RHOBTB2: variants seen among roughly 807,000 people sequenced by gnomAD.
The protein encoded by RHOBTB2 is Rho related BTB domain containing 2.
In RHOBTB2, 39 loss-of-function variants were observed where a neutral mutation model predicts 66.5. That is an observed-to-expected ratio of 0.59 (90% CI 0.45 to 0.77). The LOEUF (loss-of-function observed/expected upper bound fraction) is 0.77, where lower values mean the gene tolerates loss of function less well. Among genes scored for constraint, RHOBTB2 ranks in the 30% least tolerant of loss-of-function variants. RHOBTB2 has a pLI of 0.00. For synonymous variants in RHOBTB2, 390 were observed against 395.0 expected (o/e 0.99, Z 0.15); for missense variants, 755 against 999.1 (o/e 0.76, Z 3.29).
At chr8:23,002,981 G>A (rs552930595) in intron 1 of RHOBTB2, among the ~76,000 whole-genome samples, 3 of 152,362 alleles carry the variant, frequency 2.0e-5, no homozygotes, top group African/African-American at 7.2e-5. Flanking sequence ...CAGCCCAGCA[G>A]GAATGGAGCC....
At chr8:23,011,810 C>T (rs1223959687) in intron 7 of RHOBTB2, among the ~76,000 whole-genome samples, 1 of 152,152 alleles carries the variant, frequency 6.6e-6, no homozygotes, top group Non-Finnish European at 1.5e-5. Flanking sequence ...AGAGCACATC[C>T]TCACATACTG....
chr8:22,952,670 C>T, the RHOBTB2 span, among the ~76,000 whole-genome samples: 6 of 152,050 alleles, frequency 3.9e-5, no homozygotes, highest in African/African-American at 7.2e-5. Flanking sequence ...TTTGGGAGGC[C>T]GAAGGCAGGT....
At position 22,999,638 on chromosome 8, in the gene RHOBTB2, T is replaced by C. The variant is rs1480341803; in HGVS notation, c.-478T>C. On this transcript the variant is annotated 5_prime_UTR_variant, in exon 1 of 10. Transcript: ENST00000251822. ...TTTTCTTTTCTTTTTTTTTTCCCTATCCTTTTTTTGTGAATGAAAAAAGGA... is the reference window on the plus strand; with the variant it reads ...TTTTCTTTTCTTTTTTTTTTCCCTACCCTTTTTTTGTGAATGAAAAAAGGA... The C allele has an allele frequency of 1.6e-6, 2 of 1,243,696 alleles. No homozygotes were observed. The highest frequency in any genetic ancestry group is 1.3e-5 in the South Asian group (1 of 76,926). The allele number at this position is 1,243,696 out of a possible 1,614,324, so 77.0% of individuals were successfully genotyped here. A position where few individuals can be genotyped will look rare whatever the true frequency, so the allele number is the denominator to read the frequency against.
At chr8:22,975,667 G>A in the RHOBTB2 span, among the ~76,000 whole-genome samples, 2 of 152,150 alleles carry the variant, frequency 1.3e-5, no homozygotes, top group Admixed American at 6.5e-5. Context: ...ATCAGAAAAC[G>A]CACCTCACAC....
chr8:22,958,402 G>T, the RHOBTB2 span, among the ~76,000 whole-genome samples: 2 of 152,184 alleles, frequency 1.3e-5, no homozygotes, highest in African/African-American at 4.8e-5. Flanking sequence ...GGCATAGTGT[G>T]GGGTAAGGAG....
At chr8:22,984,440 A>G (rs915875656), upstream of RHOBTB2, among the ~76,000 whole-genome samples, 5 of 152,192 alleles carry the variant, frequency 3.3e-5, no homozygotes, top group Admixed American at 6.5e-5. Flanking sequence ...TATGACTTAG[A>G]TATGTGTAAT....
At chr8:23,010,124 G>A (rs927317972) in intron 6 of RHOBTB2, among the ~76,000 whole-genome samples, 1 of 152,134 alleles carries the variant, frequency 6.6e-6, no homozygotes, top group African/African-American at 2.4e-5. Context: ...GGCTTCCAAA[G>A]GGTGCCAGTG....
At position 23,017,346 on chromosome 8, in the gene RHOBTB2, G is replaced by A. The variant is rs1365096129; in HGVS notation, c.2061G>A (p.Lys687=). 6.2e-7 allele frequency: 1 copy of A among 1,614,092 alleles called. No homozygotes were observed. Among genetic ancestry groups the A allele is most frequent in the African/African-American group, 1.3e-5 (1 of 74,924 alleles). ...AGCGGGCACGGAAGGAGCGTGAGAA[G>A]GAGGACTACCTCCACCTCAAGCGGC... ...HYQRARKERE[K]EDYLHLKRQP... The change falls in exon 10 of 10, where the codon AAG becomes AAA. Residue 687 remains lysine (K), a synonymous_variant. Coordinates refer to ENST00000251822, the MANE Select transcript of RHOBTB2 (RefSeq NM_015178.3). This position sits in a 1 kb window ranked among gnomAD's most constrained non-coding sequence, Gnocchi z 5.3.
At chr8:22,957,614 G>C in the RHOBTB2 span, among the ~76,000 whole-genome samples, 1 of 152,154 alleles carries the variant, frequency 6.6e-6, no homozygotes, top group Admixed American at 6.5e-5. Flanking sequence ...CCAATAACGA[G>C]ATGCAGATGA....
the RHOBTB2 span, among the ~76,000 whole-genome samples, chr8:22,951,945 T>C: frequency 1.3e-5 from 2 of 152,204 alleles, no homozygotes; most frequent in African/African-American, 2.4e-5. Context: ...GGTCTCAAAC[T>C]TTTGACCTCA....
At chr8:22,999,404 C>T (rs1810685074), upstream of RHOBTB2, among the ~76,000 whole-genome samples, 1 of 151,724 alleles carries the variant, frequency 6.6e-6, no homozygotes, top group Admixed American at 6.6e-5. Context: ...CGCGGCGTCG[C>T]TGCGGGAGGG....
At chr8:22,980,148 G>C in the RHOBTB2 span, among the ~76,000 whole-genome samples, 1 of 152,024 alleles carries the variant, frequency 6.6e-6, no homozygotes, top group Non-Finnish European at 1.5e-5. Flanking sequence ...CATTATTTGA[G>C]GGCTGTAAAT....
upstream of RHOBTB2, among the ~76,000 whole-genome samples, chr8:22,995,126 T>C (rs1257898513): frequency 6.6e-6 from 1 of 151,840 alleles, no homozygotes; most frequent in Non-Finnish European, 1.5e-5. Context: ...AGAGACAGGG[T>C]CTTATTATAT....
chr8:22,985,271 C>T (rs966350065), upstream of RHOBTB2, among the ~76,000 whole-genome samples: 2 of 152,254 alleles, frequency 1.3e-5, no homozygotes, highest in Admixed American at 6.5e-5. Context: ...TCACTTCGAT[C>T]TAAGAAGCAG....
chr8:23,007,886 T>C, intron 5 of RHOBTB2, 107 bp from the exon 6 acceptor site: 1 of 1,486,620 alleles, frequency 6.7e-7, no homozygotes, highest in Non-Finnish European at 9.3e-7. Context: ...GCGGGTTTGT[T>C]CCGTGCCCCG....
the RHOBTB2 span, among the ~76,000 whole-genome samples, chr8:22,953,809 C>T: frequency 2.0e-5 from 3 of 152,104 alleles, no homozygotes; most frequent in East Asian, 1.9e-4. Context: ...GCAATCCTCA[C>T]GATGTTGAAA....
intron 1 of RHOBTB2, among the ~76,000 whole-genome samples, chr8:23,002,402 G>A (rs868256617): frequency 6.6e-6 from 1 of 152,290 alleles, no homozygotes; most frequent in Middle Eastern, 3.4e-3. Context: ...GTTCTTAACA[G>A]TTCTCTGGGC....
At chr8:23,002,364 G>A (rs1244265909) in intron 1 of RHOBTB2, among the ~76,000 whole-genome samples, 1 of 152,194 alleles carries the variant, frequency 6.6e-6, no homozygotes, top group African/African-American at 2.4e-5. Context: ...AGAGAATTGG[G>A]AGGAGGAAGC....
At chr8:22,993,835 T>C (rs1173630471) in intron 2 of RHOBTB2, among the ~76,000 whole-genome samples, 1 of 152,162 alleles carries the variant, frequency 6.6e-6, no homozygotes, top group African/African-American at 2.4e-5. Context: ...TCACTTCCAA[T>C]CTCTCCTGAA....
Sources: allele counts gnomAD v4.1 joint callset (sites outside exome capture counted in the v4.1 genomes callset), GRCh38; gene constraint gnomAD v4.1.1; non-coding constraint Gnocchi (gnomAD v3.1); transcripts MANE v1.5; gene names NCBI Gene and HGNC (gene_info 2026-07-23, HGNC 2026-07-21).